The following BAZ2B variants were observed in gnomAD, a reference collection of about 807,000 sequenced individuals.
BAZ2B encodes bromodomain adjacent to zinc finger domain protein 2B.
A neutral mutation model predicts 246.0 loss-of-function variants in BAZ2B; 91 were observed. The ratio of observed to expected loss-of-function variants is 0.37; its 90% CI spans 0.31 to 0.44. BAZ2B has a LOEUF of 0.44. Ranked by LOEUF, BAZ2B falls within the 20% of genes least tolerant of loss-of-function variation. The pLI, the probability that BAZ2B is intolerant of heterozygous loss-of-function variation, is 1.00. For missense variants in BAZ2B, 2,332 were observed against 2,533.7 expected, an observed-to-expected ratio of 0.92 and a Z score of 1.71; for synonymous variants, 855 against 860.0, an observed-to-expected ratio of 0.99 and a Z score of 0.10.
At chr2:159,375,064 T>C (rs1002836451) in intron 25 of BAZ2B, among the ~76,000 whole-genome samples, 2 of 151,996 alleles carry the variant, frequency 1.3e-5, no homozygotes, top group African/African-American at 2.4e-5. Flanking sequence ...AAAAATAAAA[T>C]TAGCTTAGTG....
intron 1 of BAZ2B, among the ~76,000 whole-genome samples, chr2:159,589,086 A>C (rs1294625528): frequency 6.6e-6 from 1 of 152,212 alleles, no homozygotes; most frequent in Non-Finnish European, 1.5e-5. Flanking sequence ...AATCATAAAG[A>C]ATCTAACTTT....
intron 25 of BAZ2B, among the ~76,000 whole-genome samples, chr2:159,377,525 T>C (rs2061525156): frequency 1.3e-5 from 2 of 152,030 alleles, no homozygotes; most frequent in South Asian, 4.1e-4. Flanking sequence ...CATAAAAAAG[T>C]GAAATATGGC....
intron 3 of BAZ2B, among the ~76,000 whole-genome samples, chr2:159,477,023 C>T (rs570545652): frequency 3.9e-5 from 6 of 152,062 alleles, no homozygotes; most frequent in Admixed American, 1.3e-4. Context: ...ATATATAGTG[C>T]GGCTGGGCGC....
intron 2 of BAZ2B, among the ~76,000 whole-genome samples, chr2:159,530,773 C>G (rs1012967858): frequency 1.3e-5 from 2 of 152,034 alleles, no homozygotes; most frequent in Non-Finnish European, 1.5e-5. Flanking sequence ...AGTTTGAGAC[C>G]AGCCTGGCCA....
chr2:159,364,234 G>A (rs10181248), intron 27 of BAZ2B, among the ~76,000 whole-genome samples: 94,153 of 152,040 alleles, frequency 0.62, 31,754 homozygotes, highest in Non-Finnish European at 0.78. Flanking sequence ...CCAGACTGCA[G>A]AAGAGCTCTG....
intron 2 of BAZ2B, among the ~76,000 whole-genome samples, chr2:159,541,406 T>C (rs565427411): frequency 4.2e-4 from 64 of 151,972 alleles, no homozygotes; most frequent in African/African-American, 1.5e-3. Flanking sequence ...GACTCCAGAG[T>C]AGCTGGGATT....
the BAZ2B span, among the ~76,000 whole-genome samples, chr2:159,700,498 T>A: frequency 1.3e-5 from 2 of 152,232 alleles, no homozygotes; most frequent in South Asian, 2.1e-4. Flanking sequence ...CAGGCAGGAG[T>A]GCAGTGGTGC....
the BAZ2B span, among the ~76,000 whole-genome samples, chr2:159,654,439 A>G: frequency 6.6e-6 from 1 of 152,202 alleles, no homozygotes. Flanking sequence ...AGAGAATCCA[A>G]GACAAAAAAA....
chr2:159,398,097 T>A (rs550614541), intron 18 of BAZ2B: 2 of 152,206 alleles, frequency 1.3e-5, no homozygotes, highest in East Asian at 3.9e-4. Context: ...ACAGTCTATG[T>A]AGAAAAAATA....
chr2:159,554,451 T>C (rs1045778516), intron 2 of BAZ2B, among the ~76,000 whole-genome samples: 2 of 151,934 alleles, frequency 1.3e-5, no homozygotes, highest in African/African-American at 4.8e-5. Context: ...GAGCTACAAA[T>C]CAAAGAAAGC....
At chr2:159,710,443 C>T in the BAZ2B span, among the ~76,000 whole-genome samples, 4 of 152,156 alleles carry the variant, frequency 2.6e-5, no homozygotes, top group African/African-American at 7.2e-5. Context: ...CTCCTGACCT[C>T]GTGATCCACC....
chr2:159,523,529 C>A (rs1305034978), intron 2 of BAZ2B, among the ~76,000 whole-genome samples: 1 of 152,004 alleles, frequency 6.6e-6, no homozygotes, highest in East Asian at 1.9e-4. Context: ...CATAGTGAAA[C>A]CCTGTCTCTA....
In BAZ2B at chr2:159,446,068, T is replaced by C. The variant is rs1317072898; in HGVS notation, c.696+714A>G. 2.0e-5 allele frequency among the ~76,000 whole-genome samples: 3 copies of C among 152,022 alleles called. No homozygotes were observed. In the East Asian group the frequency reaches 5.8e-4, roughly 29 times the overall value. On this transcript the variant is annotated intron_variant, in intron 6 of 36. Transcript: ENST00000392783. ...GGTGGAAGTTGCAGTGAGCTGAGAT[T>C]CTGCCACTACACTCCAGCCAGTGCA...
Position 159,382,752 on chromosome 2 carries a change from C to A in BAZ2B, c.3812G>T (p.Gly1271Val). The A allele has an allele frequency of 6.2e-7, 1 of 1,613,704 alleles. No homozygotes were observed. Among genetic ancestry groups the A allele is most frequent in the Non-Finnish European group, 8.5e-7 (1 of 1,179,858 alleles). ...ATGCTGCTCTTCTCCCAGATCAATG[C>A]CACCTGAAGTGTCTCTTTTGCCTGT... The part of the protein sequence containing the change: ...KKTGKRDTSG[G>V]IDLGEEQHPL... The change falls in exon 25 of 37, where the codon GGC (glycine) becomes GTC (valine). Residue 1271 changes from glycine (G) to valine (V), a missense_variant. Gly to Val is a moderately radical substitution (Grantham distance 109). Coordinates refer to ENST00000392783, the MANE Select transcript of BAZ2B (RefSeq NM_013450.4).
intron 19 of BAZ2B, 72 bp from the exon 20 acceptor site, chr2:159,395,906 A>T: frequency 7.4e-7 from 1 of 1,342,602 alleles, no homozygotes; most frequent in African/African-American, 1.5e-5. Flanking sequence ...TGAAAAAACA[A>T]AAACAAAAAC....
chr2:159,434,659 C>T (rs2071854926), intron 8 of BAZ2B: 1 of 151,974 alleles, frequency 6.6e-6, no homozygotes, highest in African/African-American at 2.4e-5. Context: ...TTGATATGTA[C>T]TCAAAAAACA....
intron 2 of BAZ2B, among the ~76,000 whole-genome samples, chr2:159,523,318 C>T (rs2084347771): frequency 1.3e-5 from 2 of 152,170 alleles, no homozygotes; most frequent in African/African-American, 4.8e-5. Context: ...GGGAAGATCA[C>T]TTCAGCCCAG....
chr2:159,581,753 T>A (rs931543633), intron 1 of BAZ2B, among the ~76,000 whole-genome samples: 1 of 151,992 alleles, frequency 6.6e-6, no homozygotes, highest in East Asian at 1.9e-4. Context: ...TAAAAAAGGA[T>A]GAGTTCATGT....
chr2:159,471,159 G>T (rs984413803), intron 3 of BAZ2B, among the ~76,000 whole-genome samples: 2 of 152,210 alleles, frequency 1.3e-5, no homozygotes, highest in African/African-American at 4.8e-5. Context: ...GAGGTTGAAT[G>T]AGATGAGGCT....
Sources: allele counts gnomAD v4.1 joint callset (sites outside exome capture counted in the v4.1 genomes callset), GRCh38; gene constraint gnomAD v4.1.1; transcripts MANE v1.5; gene names NCBI Gene and HGNC (gene_info 2026-07-23, HGNC 2026-07-21).